The following GRID1 variants were observed in gnomAD, a reference collection of about 807,000 sequenced individuals.
GRID1 encodes glutamate receptor ionotropic, delta-1.
In GRID1, 28 loss-of-function variants were observed where a neutral mutation model predicts 98.0. The ratio of observed to expected loss-of-function variants is 0.29; its 90% CI spans 0.21 to 0.39. GRID1 has a LOEUF of 0.39. Among genes scored for constraint, GRID1 ranks in the 10% least tolerant of loss-of-function variants. The pLI is 1.00. For synonymous variants in GRID1, 553 were observed against 538.5 expected (o/e 1.03, Z -0.37); for missense variants, 1,111 against 1,340.5 (o/e 0.83, Z 2.67).
At chr10:85,781,068 A>G (rs932217530) in intron 8 of GRID1, among the ~76,000 whole-genome samples, 4 of 152,208 alleles carry the variant, frequency 2.6e-5, no homozygotes, top group Admixed American at 2.6e-4. Context: ...TCTCTATTAC[A>G]TGAAGTTTCC....
intron 5 of GRID1, among the ~76,000 whole-genome samples, chr10:85,914,015 C>T (rs1253231098): frequency 1.3e-5 from 2 of 152,244 alleles, no homozygotes; most frequent in Admixed American, 6.5e-5. Flanking sequence ...CAGTAGAAGC[C>T]GCTCCAGTGT....
intron 2 of GRID1, among the ~76,000 whole-genome samples, chr10:86,247,879 A>G (rs1281642015): frequency 6.6e-6 from 1 of 152,148 alleles, no homozygotes; most frequent in Non-Finnish European, 1.5e-5. Flanking sequence ...GAAGGGACCA[A>G]CTTGAGCCCA....
intron 8 of GRID1, among the ~76,000 whole-genome samples, chr10:85,818,165 C>T (rs984559375): frequency 1.3e-5 from 2 of 152,210 alleles, no homozygotes; most frequent in Admixed American, 6.5e-5. Context: ...AACTTTCTCA[C>T]TGTCAAAGAG....
intron 2 of GRID1, among the ~76,000 whole-genome samples, chr10:86,334,286 A>T (rs1848193897): frequency 6.6e-6 from 1 of 152,042 alleles, no homozygotes; most frequent in African/African-American, 2.4e-5. Flanking sequence ...CATCTCCCTC[A>T]TTTACTGCTG....
intron 15 of GRID1, among the ~76,000 whole-genome samples, chr10:85,609,053 C>T (rs982588843): frequency 6.6e-6 from 1 of 152,134 alleles, no homozygotes; most frequent in Non-Finnish European, 1.5e-5. Flanking sequence ...CTGGAAAATG[C>T]TACCTCGGAA....
intron 12 of GRID1, among the ~76,000 whole-genome samples, chr10:85,716,467 C>T (rs982728232): frequency 4.0e-5 from 6 of 151,694 alleles, no homozygotes; most frequent in Non-Finnish European, 8.8e-5. Flanking sequence ...TGCTAAATGA[C>T]GAGTTAATGG....
chr10:86,211,606 C>T (rs532158552), intron 2 of GRID1, among the ~76,000 whole-genome samples: 3 of 152,240 alleles, frequency 2.0e-5, no homozygotes, highest in South Asian at 2.1e-4. Flanking sequence ...TTCCAGACAG[C>T]GGACTCTCAG....
intron 8 of GRID1, among the ~76,000 whole-genome samples, chr10:85,804,490 A>G (rs980328806): frequency 3.3e-5 from 5 of 151,902 alleles, no homozygotes; most frequent in African/African-American, 9.7e-5. Flanking sequence ...AACAGGGGAA[A>G]GGGTACTTCC....
chr10:85,988,926 C>T (rs1188432433), intron 4 of GRID1, among the ~76,000 whole-genome samples: 1 of 152,224 alleles, frequency 6.6e-6, no homozygotes, highest in African/African-American at 2.4e-5. Context: ...AGGCAGGGCA[C>T]ACCTTTTGGG....
At chr10:85,945,779 C>T (rs950330815) in intron 4 of GRID1, among the ~76,000 whole-genome samples, 6 of 152,080 alleles carry the variant, frequency 3.9e-5, no homozygotes, top group African/African-American at 1.4e-4. Context: ...TTTTTATATA[C>T]GGATTAGAAA....
chr10:86,147,638 A>G (rs1845107043), intron 3 of GRID1, among the ~76,000 whole-genome samples: 1 of 152,230 alleles, frequency 6.6e-6, no homozygotes, highest in Admixed American at 6.5e-5. Flanking sequence ...GGCTAGCCAT[A>G]TGCAGAAGAC....
At chr10:85,869,746 A>G (rs1035714330) in intron 5 of GRID1, among the ~76,000 whole-genome samples, 1 of 152,226 alleles carries the variant, frequency 6.6e-6, no homozygotes, top group Non-Finnish European at 1.5e-5. Flanking sequence ...ACAGCCAGAA[A>G]AAAATCAGGC....
At chr10:85,846,014 T>C (rs1352935437) in intron 8 of GRID1, among the ~76,000 whole-genome samples, 1 of 152,116 alleles carries the variant, frequency 6.6e-6, no homozygotes, top group Non-Finnish European at 1.5e-5. Flanking sequence ...GTGCTGGTGA[T>C]GTTCTTTGAT....
chr10:86,063,345 G>A (rs17106242), intron 4 of GRID1, among the ~76,000 whole-genome samples: 2,258 of 152,318 alleles, frequency 0.015, 73 homozygotes, highest in East Asian at 0.07. Context: ...AGGAGCTCAT[G>A]GTGAACTGGA....
chr10:86,025,639 T>G (rs567185015), intron 4 of GRID1, among the ~76,000 whole-genome samples: 1 of 152,222 alleles, frequency 6.6e-6, no homozygotes, highest in Non-Finnish European at 1.5e-5. Flanking sequence ...GGTGGATGTT[T>G]CCTTCAGGTG....
At chr10:86,238,305 C>T (rs1323505764) in intron 2 of GRID1, among the ~76,000 whole-genome samples, 4 of 152,230 alleles carry the variant, frequency 2.6e-5, no homozygotes, top group African/African-American at 9.6e-5. Flanking sequence ...GGACCTGCTG[C>T]TCTGTGCAGC....
At chr10:85,765,430 C>T (rs1842188328) in intron 8 of GRID1, among the ~76,000 whole-genome samples, 2 of 152,112 alleles carry the variant, frequency 1.3e-5, no homozygotes, top group African/African-American at 4.8e-5. Context: ...TTGAGCACCT[C>T]TAATCTGAAA....
chr10:85,994,533 G>T (rs1386701372), intron 4 of GRID1, among the ~76,000 whole-genome samples: 2 of 152,158 alleles, frequency 1.3e-5, no homozygotes, highest in Non-Finnish European at 2.9e-5. Flanking sequence ...CATAAAACTG[G>T]CCAAACCCAA....
intron 3 of GRID1, among the ~76,000 whole-genome samples, chr10:86,172,338 T>G (rs1282969619): frequency 6.6e-6 from 1 of 152,358 alleles, no homozygotes; most frequent in African/African-American, 2.4e-5. Context: ...AGTACTTCAT[T>G]ACTTTTTGTG....
Sources: gnomAD v4.1 joint callset for allele counts (sites outside exome capture counted in the v4.1 genomes callset) on GRCh38, gnomAD v4.1.1 for gene constraint, MANE v1.5 for transcripts, NCBI Gene and HGNC (gene_info 2026-07-23, HGNC 2026-07-21) for gene names.